SSH2: variants seen among roughly 807,000 people sequenced by gnomAD.
SSH2 encodes the protein slingshot protein phosphatase 2.
Under a neutral mutation model 135.2 loss-of-function variants are expected in SSH2, and 37 were observed. The ratio of observed to expected loss-of-function variants is 0.27; its 90% CI spans 0.21 to 0.36. SSH2 has a LOEUF of 0.36. SSH2 is among the 10% of genes least tolerant of loss of function. The pLI is 1.00. For synonymous variants in SSH2, 628 were observed against 646.2 expected (o/e 0.97, Z 0.43); for missense variants, 1,408 against 1,765.3 (o/e 0.80, Z 3.63).
chr17:29,680,961 T>G (rs113278037), intron 6 of SSH2, among the ~76,000 whole-genome samples: 8 of 152,192 alleles, frequency 5.3e-5, no homozygotes, highest in South Asian at 2.1e-4. Flanking sequence ...TGACCAGATT[T>G]TGGTTAACCT....
At chr17:29,747,070 A>T (rs1270128253) in intron 3 of SSH2, among the ~76,000 whole-genome samples, 1 of 152,206 alleles carries the variant, frequency 6.6e-6, no homozygotes, top group Admixed American at 6.5e-5. Flanking sequence ...TATTAAGTAC[A>T]GATGATAAAA....
intron 3 of SSH2, among the ~76,000 whole-genome samples, chr17:29,779,193 A>T (rs920063466): frequency 2.6e-5 from 4 of 152,192 alleles, no homozygotes; most frequent in African/African-American, 9.7e-5. Flanking sequence ...TTTTCAAATC[A>T]GATTTAAGAA....
At position 29,663,560 on chromosome 17, in the gene SSH2, GT is replaced by G. The variant is rs879388751; in HGVS notation, c.1032+3306del. Among the ~76,000 whole-genome samples the G allele has an allele frequency of 4.0e-3, 615 of 152,094 alleles. 3 individuals carry two copies. The highest frequency in any genetic ancestry group is 3.5e-3 in the Non-Finnish European group (238 of 67,982). ...AATTACAGAGATCCTCAATTTTGAA[GT>G]TTTTTTTCCCCCAAATAAATATTCA... On this transcript the variant is annotated intron_variant, in intron 11 of 15. Coordinates refer to ENST00000540801, the MANE Select transcript of SSH2 (RefSeq NM_001282129.2).
intron 5 of SSH2, among the ~76,000 whole-genome samples, chr17:29,692,344 AT>A (rs2038522542): frequency 6.6e-6 from 1 of 152,078 alleles, no homozygotes; most frequent in Non-Finnish European, 1.5e-5. Flanking sequence ...GCATTGACTC[AT>A]TTTCTTGAAG....
intron 5 of SSH2, among the ~76,000 whole-genome samples, chr17:29,690,303 G>C (rs144928969): frequency 6.6e-6 from 1 of 151,838 alleles, no homozygotes; most frequent in African/African-American, 2.4e-5. Flanking sequence ...TACTCAGGAG[G>C]CTGAGGCAGG....
intron 1 of SSH2, among the ~76,000 whole-genome samples, chr17:29,914,407 A>AC (rs2066842939): frequency 6.6e-6 from 1 of 152,084 alleles, no homozygotes; most frequent in East Asian, 1.9e-4. Flanking sequence ...AAAAATAATA[A>AC]TAAAAAAAGT....
intron 3 of SSH2, among the ~76,000 whole-genome samples, chr17:29,781,014 T>C (rs1024363847): frequency 4.6e-5 from 7 of 151,678 alleles, no homozygotes; most frequent in African/African-American, 1.7e-4. Context: ...GGTTTCACCG[T>C]GTTAGCCAGG....
intron 4 of SSH2, among the ~76,000 whole-genome samples, chr17:29,696,964 G>A (rs1488624894): frequency 1.3e-5 from 2 of 152,042 alleles, no homozygotes; most frequent in East Asian, 3.9e-4. Context: ...GATTACAGGC[G>A]TGAGCCACAG....
intron 2 of SSH2, among the ~76,000 whole-genome samples, chr17:29,842,123 T>A (rs1263852467): frequency 1.6e-5 from 2 of 121,876 alleles, no homozygotes; most frequent in African/African-American, 5.6e-5. Context: ...CTCACAGAGA[T>A]CCTGATTTAA....
At chr17:29,688,886 T>C (rs1318258573) in intron 5 of SSH2, among the ~76,000 whole-genome samples, 1 of 152,192 alleles carries the variant, frequency 6.6e-6, no homozygotes. Flanking sequence ...CCGGGCGCAG[T>C]GGCTCACGTC....
intron 2 of SSH2, among the ~76,000 whole-genome samples, chr17:29,826,975 C>T (rs1391807845): frequency 6.6e-6 from 1 of 152,088 alleles, no homozygotes; most frequent in South Asian, 2.1e-4. Flanking sequence ...CAAGAGAGCT[C>T]GACTTTTTCA....
intron 2 of SSH2, among the ~76,000 whole-genome samples, chr17:29,826,943 C>T (rs2042756683): frequency 6.6e-6 from 1 of 152,118 alleles, no homozygotes; most frequent in African/African-American, 2.4e-5. Flanking sequence ...GAAGACTATA[C>T]CAAAAGGTAG....
intron 2 of SSH2, among the ~76,000 whole-genome samples, chr17:29,797,648 G>A (rs1445679625): frequency 6.6e-6 from 1 of 152,170 alleles, no homozygotes; most frequent in East Asian, 1.9e-4. Context: ...TGTCATCCCA[G>A]CACTTTGGGA....
rs566612873 is a variant in SSH2 at position 29,796,253 on chromosome 17, CATTTT to C, written c.145-2321_145-2317del. On this transcript the variant is annotated intron_variant, in intron 2 of 15. Coordinates refer to ENST00000540801, the MANE Select transcript of SSH2 (RefSeq NM_001282129.2). Reference sequence around the variant, plus strand: ...GTTTATACTTTTTTTGTTTCCACCTCATTTTATTATTTAAAAAATTTCAAACATAA... The same window carrying C: ...GTTTATACTTTTTTTGTTTCCACCTCATTATTTAAAAAATTTCAAACATAA... 9.8e-5 allele frequency among the ~76,000 whole-genome samples: 15 copies of C among 152,300 alleles called. No homozygotes were observed. In the East Asian group the frequency reaches 1.9e-3, roughly 20 times the overall value.
At chr17:29,824,646 T>C (rs368552667) in intron 2 of SSH2, among the ~76,000 whole-genome samples, 3 of 152,160 alleles carry the variant, frequency 2.0e-5, no homozygotes, top group East Asian at 3.9e-4. Context: ...AATGGATACC[T>C]ACCAACCTGA....
intron 1 of SSH2, among the ~76,000 whole-genome samples, chr17:29,908,030 C>T (rs1007604687): frequency 2.6e-5 from 4 of 151,802 alleles, no homozygotes; most frequent in Non-Finnish European, 4.4e-5. Context: ...TGCCCAGGCT[C>T]GTCTTGAACT....
At chr17:29,899,737 G>C (rs1028189896) in intron 1 of SSH2, among the ~76,000 whole-genome samples, 15 of 151,540 alleles carry the variant, frequency 9.9e-5, no homozygotes, top group Admixed American at 4.0e-4. Flanking sequence ...ATGCCATCCT[G>C]ATCAAGCTAT....
chr17:29,786,069 G>GC (rs1341692632), intron 3 of SSH2, among the ~76,000 whole-genome samples: 1 of 152,202 alleles, frequency 6.6e-6, no homozygotes, highest in Non-Finnish European at 1.5e-5. Context: ...CTCCCAAAGT[G>GC]CTGGGATTAC....
chr17:29,706,753 C>T (rs1302722492), intron 3 of SSH2, among the ~76,000 whole-genome samples: 1 of 152,230 alleles, frequency 6.6e-6, no homozygotes, highest in Non-Finnish European at 1.5e-5. Flanking sequence ...CAGTTCGCTA[C>T]ATCTACAAAA....
Sources: allele counts gnomAD v4.1 joint callset (sites outside exome capture counted in the v4.1 genomes callset), GRCh38; gene constraint gnomAD v4.1.1; transcripts MANE v1.5; gene names NCBI Gene and HGNC (gene_info 2026-07-23, HGNC 2026-07-21).